Variants in ABCC4 observed in about 807,000 individuals in gnomAD.
ABCC4 encodes ATP binding cassette subfamily C member 4 (PEL blood group).
A neutral mutation model predicts 168.5 loss-of-function variants in ABCC4; 102 were observed. The observed-to-expected ratio is 0.61, with a 90% CI of 0.52 to 0.71. The LOEUF is 0.71. ABCC4 is among the 30% of genes least tolerant of loss of function. The probability of loss-of-function intolerance (pLI) is 0.00; values close to 1 mark genes in which losing one functional copy is unlikely to be tolerated. For synonymous variants in ABCC4, 617 were observed against 590.7 expected (o/e 1.04, Z -0.65); for missense variants, 1,402 against 1,605.8 (o/e 0.87, Z 2.17).
At chr13:95,170,465 GGAA>G (rs1208412194) in intron 14 of ABCC4, 64 bp downstream of exon 14, 14 of 882,492 alleles carry the variant, frequency 1.6e-5, no homozygotes, top group African/African-American at 1.2e-4. Flanking sequence ...ATGAAATGGA[GGAA>G]GAAGAAGGGG....
At chr13:95,120,567 C>G (rs1315610018) in intron 19 of ABCC4, among the ~76,000 whole-genome samples, 1 of 90,844 alleles carries the variant, frequency 1.1e-5, no homozygotes. Flanking sequence ...GAGACTCCGT[C>G]AAAAAAAAAA....
chr13:95,187,892 G>A (rs1751012), intron 10 of ABCC4, among the ~76,000 whole-genome samples: 10,907 of 152,118 alleles, frequency 0.072, 1,262 homozygotes, highest in African/African-American at 0.24. Context: ...TTACGACACT[G>A]AACTGAAATC....
At chr13:95,263,289 C>T (rs772393326) in intron 1 of ABCC4, among the ~76,000 whole-genome samples, 5 of 152,076 alleles carry the variant, frequency 3.3e-5, no homozygotes, top group Admixed American at 6.5e-5. Flanking sequence ...TGACCAAAGG[C>T]GCATAGGAAC....
At chr13:95,087,320 C>A (rs2034289024) in intron 20 of ABCC4, among the ~76,000 whole-genome samples, 1 of 152,144 alleles carries the variant, frequency 6.6e-6, no homozygotes, top group African/African-American at 2.4e-5. Flanking sequence ...GAGCTCAACA[C>A]CAGCCTGGGC....
rs1267280711 is a variant in ABCC4, at chr13:95,062,774, C to T, written c.3296G>A (p.Trp1099Ter). The T allele has an allele frequency of 6.2e-6, 10 of 1,613,546 alleles. No homozygotes were observed. Among genetic ancestry groups the T allele is most frequent in the African/African-American group, 1.3e-5 (1 of 74,770 alleles). The part of the protein sequence containing the change: ...FRLSEPEGKI[W>*]IDKILTTEIG... ...TTCAGTTGTCAAGATCTTATCAATC[C>T]AAATTTTACCTTCGGGTTCTGACAA... is the stretch of plus-strand genomic sequence containing the variant. Residue 1099 changes from tryptophan (W) to a stop codon, truncating the protein, a stop_gained, in exon 26 of 31, where the codon TGG becomes TAG. Transcript: ENST00000645237. LOFTEE classifies it high-confidence loss of function.
intron 19 of ABCC4, among the ~76,000 whole-genome samples, chr13:95,139,654 C>G (rs1230877806): frequency 6.6e-6 from 1 of 152,244 alleles, no homozygotes; most frequent in East Asian, 1.9e-4. Context: ...CAGTTTAAAT[C>G]ATAAGATGAG....
At chr13:95,076,719 C>A (rs955641977) in intron 21 of ABCC4, among the ~76,000 whole-genome samples, 1 of 152,122 alleles carries the variant, frequency 6.6e-6, no homozygotes, top group African/African-American at 2.4e-5. Flanking sequence ...CCCACCTCGG[C>A]CTCCCAAAGT....
rs533715334 is a variant in ABCC4 at position 95,188,374 on chromosome 13, C to T, written c.1353+79G>A. On this transcript the variant is annotated intron_variant, in intron 10 of 30. Coordinates refer to ENST00000645237, the MANE Select transcript of ABCC4 (RefSeq NM_005845.5). ...GTACCCAGTTCAAAATTGTGTTACA[C>T]GTAGCCTTGGGCTCAAACCCACGAA... 3.8e-5 allele frequency: 49 copies of T among 1,296,392 alleles called. No homozygotes were observed. In the South Asian group the frequency reaches 5.1e-4, roughly 13 times the overall value. 80.3% of individuals were successfully genotyped at this position (1,296,392 alleles called of 1,614,324 possible).
At chr13:95,147,769 T>A (rs536208566) in intron 19 of ABCC4, among the ~76,000 whole-genome samples, 77 of 152,344 alleles carry the variant, frequency 5.1e-4, no homozygotes, top group African/African-American at 1.8e-3. Flanking sequence ...TTACAAAATT[T>A]CAAACTCTCT....
Position 95,177,794 on chromosome 13 carries a change from C to G in ABCC4, c.1641-1G>C, listed in dbSNP as rs1234801214. Reference sequence around the variant, plus strand: ...GATGTCAGCATCTTGATACACTGCTCTAGAAAATACAAAGAGGTATCAGAC... The same window carrying G: ...GATGTCAGCATCTTGATACACTGCTGTAGAAAATACAAAGAGGTATCAGAC... On this transcript the variant is annotated splice_acceptor_variant, in intron 12 of 30. Coordinates refer to ENST00000645237, the MANE Select transcript of ABCC4 (RefSeq NM_005845.5). LOFTEE classifies it high-confidence loss of function. 2.5e-6 allele frequency: 4 copies of G among 1,606,850 alleles called. No homozygotes were observed. Among genetic ancestry groups the G allele is most frequent in the East Asian group, 2.2e-5 (1 of 44,666 alleles).
At position 95,278,457 on chromosome 13, in the gene ABCC4, C is replaced by T. The variant is rs55939936; in HGVS notation, c.74+22784G>A. Among the ~76,000 whole-genome samples the T allele has an allele frequency of 2.0e-5, 3 of 152,018 alleles. No homozygotes were observed. In the South Asian group the frequency reaches 6.2e-4, roughly 32 times the overall value. ...ACTGAAACGGCAGAGGTCCTCCATT[C>T]TTCTAGATGGGTGATCAAGGCAGAG... is the stretch of plus-strand genomic sequence containing the variant. On this transcript the variant is annotated intron_variant, in intron 1 of 30. Transcript: ENST00000645237.
intron 1 of ABCC4, among the ~76,000 whole-genome samples, chr13:95,251,318 CCTTT>C (rs2040253073): frequency 6.6e-6 from 1 of 152,096 alleles, no homozygotes; most frequent in Non-Finnish European, 1.5e-5. Context: ...CCTTAAAGGC[CCTTT>C]CTATTTCTCT....
chr13:95,076,644 T>C (rs1335605736), intron 21 of ABCC4, among the ~76,000 whole-genome samples: 1 of 152,136 alleles, frequency 6.6e-6, no homozygotes, highest in Non-Finnish European at 1.5e-5. Context: ...TTTGAATTTT[T>C]AGTAGAGACA....
intron 30 of ABCC4, among the ~76,000 whole-genome samples, chr13:95,030,977 G>C (rs1028804545): frequency 6.6e-6 from 1 of 152,172 alleles, no homozygotes; most frequent in African/African-American, 2.4e-5. Context: ...GCAACTCCGT[G>C]GTCAAGAATA....
At chr13:95,032,815 C>A (rs543804433) in intron 30 of ABCC4, among the ~76,000 whole-genome samples, 1 of 151,554 alleles carries the variant, frequency 6.6e-6, no homozygotes, top group Non-Finnish European at 1.5e-5. Flanking sequence ...CAGATGTGTG[C>A]CACCACGCCC....
intron 4 of ABCC4, among the ~76,000 whole-genome samples, chr13:95,216,608 C>CAAAAAAAAAAAA: frequency 8.0e-6 from 1 of 125,568 alleles, no homozygotes; most frequent in Non-Finnish European, 1.6e-5. Flanking sequence ...AGGAAATTCA[C>CAAAAAAAAAAAA]AAAAAAAAAA....
At chr13:95,228,857 C>T (rs1200850795) in intron 4 of ABCC4, among the ~76,000 whole-genome samples, 1 of 150,762 alleles carries the variant, frequency 6.6e-6, no homozygotes, top group Non-Finnish European at 1.5e-5. Flanking sequence ...CCCAGGAGTT[C>T]GAGACCAGCC....
intron 30 of ABCC4, among the ~76,000 whole-genome samples, chr13:95,032,559 C>T (rs1037469416): frequency 2.0e-5 from 3 of 152,218 alleles, no homozygotes; most frequent in Admixed American, 6.5e-5. Context: ...TTCCTCACTT[C>T]TGTGGAGAAT....
chr13:95,278,450 C>T (rs1163169399), intron 1 of ABCC4, among the ~76,000 whole-genome samples: 1 of 152,056 alleles, frequency 6.6e-6, no homozygotes. Context: ...GGCAGAGGTC[C>T]TCCATTCTTC....
Sources: gnomAD v4.1 joint callset for allele counts (sites outside exome capture counted in the v4.1 genomes callset) on GRCh38, gnomAD v4.1.1 for gene constraint, MANE v1.5 for transcripts, NCBI Gene and HGNC (gene_info 2026-07-23, HGNC 2026-07-21) for gene names.